NRXN3: variants seen among roughly 807,000 people sequenced by gnomAD.
The protein encoded by NRXN3 is neurexin 3.
Under a neutral mutation model 137.6 loss-of-function variants are expected in NRXN3, and 32 were observed. That is an observed-to-expected ratio of 0.23 (90% confidence interval 0.18 to 0.31). The LOEUF (loss-of-function observed/expected upper bound fraction) is 0.31. Among genes scored for constraint, NRXN3 ranks in the 10% least tolerant of loss-of-function variants. NRXN3 has a pLI of 1.00. For missense variants in NRXN3, 1,574 were observed against 2,062.5 expected (o/e 0.76, Z 4.59); for synonymous variants, 798 against 784.5 (o/e 1.02, Z -0.29).
At chr14:79,538,840 C>G (rs1188022272) in intron 16 of NRXN3, among the ~76,000 whole-genome samples, 1 of 152,186 alleles carries the variant, frequency 6.6e-6, no homozygotes, top group Non-Finnish European at 1.5e-5. Flanking sequence ...AATCACATTA[C>G]TTATAATGTC....
chr14:78,759,639 A>C (rs1349839960), intron 8 of NRXN3, among the ~76,000 whole-genome samples: 2 of 152,204 alleles, frequency 1.3e-5, no homozygotes, highest in Non-Finnish European at 2.9e-5. Flanking sequence ...CTAAGCAGCC[A>C]TGATTTCTTG....
At chr14:78,871,681 A>G (rs1327318218) in intron 10 of NRXN3, among the ~76,000 whole-genome samples, 6 of 152,060 alleles carry the variant, frequency 3.9e-5, no homozygotes, top group Admixed American at 6.6e-5. Flanking sequence ...TGGAAGTCCA[A>G]TCTCCTCTCC....
At chr14:78,982,916 A>G (rs1231292539) in intron 14 of NRXN3, among the ~76,000 whole-genome samples, 1 of 152,200 alleles carries the variant, frequency 6.6e-6, no homozygotes, top group Non-Finnish European at 1.5e-5. Context: ...CAAAATATAT[A>G]AGAAACACAA....
chr14:78,432,002 A>G (rs1284343101), intron 4 of NRXN3, among the ~76,000 whole-genome samples: 2 of 152,172 alleles, frequency 1.3e-5, no homozygotes, highest in Admixed American at 1.3e-4. Context: ...CGGGGTATTC[A>G]GTACTGGTGC....
At chr14:79,702,579 G>A (rs531300615) in intron 19 of NRXN3, among the ~76,000 whole-genome samples, 28 of 151,994 alleles carry the variant, frequency 1.8e-4, no homozygotes, top group Non-Finnish European at 2.6e-4. Context: ...AGATAGCCAA[G>A]TCCAAGTAGA....
At chr14:78,214,236 C>T (rs549049417) in intron 1 of NRXN3, among the ~76,000 whole-genome samples, 1 of 152,304 alleles carries the variant, frequency 6.6e-6, no homozygotes, top group South Asian at 2.1e-4. Flanking sequence ...TCATTCCTAC[C>T]ACAGGGCCTT....
intron 10 of NRXN3, among the ~76,000 whole-genome samples, chr14:78,880,239 CAA>C (rs59348965): frequency 0.039 from 1,768 of 44,998 alleles, 4 homozygotes; most frequent in African/African-American, 0.052. Flanking sequence ...GACTCCGTCT[CAA>C]AAAAAAAAAA....
At chr14:78,435,411 A>C (rs1456370195) in intron 4 of NRXN3, among the ~76,000 whole-genome samples, 1 of 152,158 alleles carries the variant, frequency 6.6e-6, no homozygotes, top group Admixed American at 6.5e-5. Context: ...AGTCTCAGAA[A>C]GCTTCAGGGC....
intron 19 of NRXN3, among the ~76,000 whole-genome samples, chr14:79,780,155 T>C (rs2099109298): frequency 1.3e-5 from 2 of 152,064 alleles, no homozygotes; most frequent in South Asian, 2.1e-4. Flanking sequence ...CCTCTGGCCT[T>C]TGGGGAAAAA....
intron 10 of NRXN3, among the ~76,000 whole-genome samples, chr14:78,822,898 T>G (rs2098955255): frequency 6.6e-6 from 1 of 152,148 alleles, no homozygotes; most frequent in Non-Finnish European, 1.5e-5. Flanking sequence ...CAAGTGCTGA[T>G]GGTCCCATGA....
At chr14:79,688,438 G>A (rs1436691485) in intron 17 of NRXN3, among the ~76,000 whole-genome samples, 2 of 152,134 alleles carry the variant, frequency 1.3e-5, no homozygotes, top group African/African-American at 4.8e-5. Context: ...GACCAATAAA[G>A]TGTAAGCGCA....
At position 78,696,335 on chromosome 14, in the gene NRXN3, T is replaced by C. The variant is rs565411518; in HGVS notation, c.1222-12882T>C. Among the ~76,000 whole-genome samples, 32 of 152,118 alleles carry C rather than the reference T, an allele frequency of 2.1e-4. 1 individual carries two copies. Among genetic ancestry groups the C allele is most frequent in the Non-Finnish European group, 3.4e-4 (23 of 67,976 alleles). ...AATCTCAGATTCCCAGTTTTCTCAA[T>C]TGTAAAATGAGGATAATAGTAACCA... On this transcript the variant is annotated intron_variant, in intron 6 of 20. Transcript: ENST00000335750.
chr14:79,083,511 G>T (rs1027714624), intron 15 of NRXN3, among the ~76,000 whole-genome samples: 1 of 152,222 alleles, frequency 6.6e-6, no homozygotes, highest in African/African-American at 2.4e-5. Flanking sequence ...ACTTGAAACC[G>T]TCAACTGGAT....
At chr14:79,593,308 A>G (rs1209781015) in intron 16 of NRXN3, among the ~76,000 whole-genome samples, 5 of 152,188 alleles carry the variant, frequency 3.3e-5, no homozygotes, top group African/African-American at 9.7e-5. Flanking sequence ...ACGTATTTGT[A>G]TATGTTAAAA....
intron 8 of NRXN3, among the ~76,000 whole-genome samples, chr14:78,739,121 C>T (rs2098553375): frequency 6.6e-6 from 1 of 152,238 alleles, no homozygotes; most frequent in African/African-American, 2.4e-5. Context: ...CCATTTGAGT[C>T]TGGATTAACA....
rs138594346 is a variant in NRXN3, at chr14:78,715,138, G to C, written c.2043G>C (p.Arg681Ser). The change falls in exon 8 of 21, where the codon AGG (arginine) becomes AGC (serine). Residue 681 changes from arginine (R) to serine (S), a missense_variant and splice_region_variant. Coordinates refer to ENST00000335750, the MANE Select transcript of NRXN3 (RefSeq NM_001330195.2). ...GTGYWGRTCE[R>S]EASILSYDGS... ...GATACTGGGGAAGAACCTGCGAAAG[G>C]GGTGAGTCGGCCTAGAGGATGGCAA... is the stretch of plus-strand genomic sequence containing the variant. 9.6e-4 allele frequency: 1,539 copies of C among 1,604,882 alleles called. 1 individual carries two copies. The highest frequency in any genetic ancestry group is 1.1e-3 in the Non-Finnish European group (1,349 of 1,176,870).
chr14:79,662,592 C>T (rs1032101792), intron 16 of NRXN3, among the ~76,000 whole-genome samples: 2 of 152,018 alleles, frequency 1.3e-5, no homozygotes, highest in African/African-American at 4.8e-5. Flanking sequence ...TAAAGAAATA[C>T]CTGAGAATGA....
chr14:78,726,695 T>G (rs1413811992), intron 8 of NRXN3, among the ~76,000 whole-genome samples: 1 of 151,810 alleles, frequency 6.6e-6, no homozygotes, highest in Non-Finnish European at 1.5e-5. Context: ...ATTTTTGTAT[T>G]TTTTGTAGAC....
intron 16 of NRXN3, among the ~76,000 whole-genome samples, chr14:79,553,502 C>T (rs2097396745): frequency 6.6e-6 from 1 of 152,116 alleles, no homozygotes; most frequent in African/African-American, 2.4e-5. Flanking sequence ...CCATCTCATC[C>T]CACCCAATGC....
Sources: gnomAD v4.1 joint callset for allele counts (sites outside exome capture counted in the v4.1 genomes callset) on GRCh38, gnomAD v4.1.1 for gene constraint, MANE v1.5 for transcripts, NCBI Gene and HGNC (gene_info 2026-07-23, HGNC 2026-07-21) for gene names.